The following TUB variants were observed in gnomAD, a reference collection of about 807,000 sequenced individuals.
TUB encodes TUB bipartite transcription factor.
A neutral mutation model predicts 59.7 loss-of-function variants in TUB; 33 were observed. The ratio of observed to expected loss-of-function variants is 0.55; its 90% CI spans 0.42 to 0.74. TUB has a LOEUF of 0.74. Ranked by LOEUF, TUB falls within the 30% of genes least tolerant of loss-of-function variation. The pLI is 0.00. For synonymous variants in TUB, 293 were observed against 256.4 expected (o/e 1.14, Z -1.36); for missense variants, 659 against 672.0 (o/e 0.98, Z 0.21).
At chr11:8,098,920 A>G in intron 9 of TUB, 45 bp downstream of exon 9, 2 of 1,424,102 alleles carry the variant, frequency 1.4e-6, no homozygotes, top group African/African-American at 1.4e-5. Context: ...GGTAGATATG[A>G]AATCCAGGAC....
chr11:8,084,042 AG>A lies in TUB; in HGVS notation c.38+2495del, dbSNP rs1260104138. On this transcript the variant is annotated intron_variant, in intron 1 of 11. Transcript: ENST00000299506. ...ACAAAGCATTTTACTTGCAGATGGG[AG>A]TGGGGGCAGGGGGTGGCATGCACGT... Among the ~76,000 whole-genome samples the A allele has an allele frequency of 7.9e-5, 12 of 152,206 alleles. No homozygotes were observed. The South Asian group carries it at 8.3e-4, about 11-fold the overall frequency.
intron 1 of TUB, among the ~76,000 whole-genome samples, chr11:8,027,676 G>A (rs1344761121): frequency 6.6e-6 from 1 of 152,016 alleles, no homozygotes; most frequent in Non-Finnish European, 1.5e-5. Flanking sequence ...CACAACGCCT[G>A]GCTATTTTTT....
At chr11:8,088,371 G>A (rs1040993828) in intron 1 of TUB, among the ~76,000 whole-genome samples, 1 of 152,206 alleles carries the variant, frequency 6.6e-6, no homozygotes, top group African/African-American at 2.4e-5. Flanking sequence ...TAGCCATCAG[G>A]AGGAGGTGAA....
upstream of TUB, among the ~76,000 whole-genome samples, chr11:8,080,826 G>A (rs1446763768): frequency 6.6e-6 from 1 of 152,192 alleles, no homozygotes; most frequent in African/African-American, 2.4e-5. Context: ...TCGGCCCGGA[G>A]GTTCCCCCGC....
intron 4 of TUB, among the ~76,000 whole-genome samples, chr11:8,095,003 G>A (rs1943922377): frequency 6.6e-6 from 1 of 152,256 alleles, no homozygotes; most frequent in Admixed American, 6.5e-5. Context: ...CATTTGGGAA[G>A]GCGAGTGTAT....
rs752692239 is a variant in TUB, at chr11:8,098,845, C to G, written c.1086C>G (p.Thr362=). 3.1e-6 allele frequency: 5 copies of G among 1,613,970 alleles called. No homozygotes were observed. In the African/African-American group the frequency reaches 6.7e-5, roughly 22 times the overall value. ...KASSSTLESG[T]LRQELAAVCY... Reference sequence around the variant, plus strand: ...CATCCTCCACTTTGGAAAGTGGAACCTTACGTCAGGAGCTGGCAGCTGTGT... The same window carrying G: ...CATCCTCCACTTTGGAAAGTGGAACGTTACGTCAGGAGCTGGCAGCTGTGT... Residue 362 remains threonine (T), a synonymous_variant, in exon 9 of 12, where the codon ACC becomes ACG. Transcript: ENST00000299506.
intron 1 of TUB, among the ~76,000 whole-genome samples, chr11:8,024,839 A>T (rs953634614): frequency 1.3e-5 from 2 of 152,184 alleles, no homozygotes; most frequent in Non-Finnish European, 2.9e-5. Context: ...TGTGTGTGTG[A>T]GTGTGACCTC....
At chr11:8,019,624 C>G (rs968478936) in intron 1 of TUB, among the ~76,000 whole-genome samples, 11 of 152,106 alleles carry the variant, frequency 7.2e-5, no homozygotes, top group African/African-American at 2.7e-4. Flanking sequence ...CACCTCTGCC[C>G]CCACCCCAGC....
intron 11 of TUB, 46 bp downstream of exon 11, chr11:8,101,043 G>A (rs374748783): frequency 7.1e-5 from 114 of 1,607,750 alleles, no homozygotes; most frequent in Non-Finnish European, 5.7e-5. Flanking sequence ...GGATACCCAA[G>A]GCCCTTAGCG....
chr11:8,025,586 T>A (rs1468810759), intron 1 of TUB, among the ~76,000 whole-genome samples: 1 of 152,262 alleles, frequency 6.6e-6, no homozygotes, highest in East Asian at 1.9e-4. Context: ...AGTATGAACC[T>A]TTTATTGTTT....
chr11:8,093,966 G>A (rs750387130), intron 3 of TUB, 80 bp from the exon 4 acceptor site: 1 of 1,566,952 alleles, frequency 6.4e-7, no homozygotes, highest in East Asian at 2.2e-5. Context: ...ATGCTGTGCT[G>A]GGGACTGTGT....
chr11:8,032,161 A>AAAGGCCTGGGGAAAGGCCG (rs1942583511), intron 1 of TUB, among the ~76,000 whole-genome samples: 1 of 151,806 alleles, frequency 6.6e-6, no homozygotes, highest in Admixed American at 6.6e-5. Context: ...CCGGGAGCGC[A>AAAGGCCTGGGGAAAGGCCG]GGAGTGAGAT....
chr11:8,103,038 G>C lies in TUB; in HGVS notation c.*1419G>C, dbSNP rs1436871889. 6.6e-6 allele frequency: 1 copy of C among 152,270 alleles called. No individual in the cohort carries two copies. The highest frequency in any genetic ancestry group is 1.5e-5 in the Non-Finnish European group (1 of 68,092). The allele number at this position is 152,270 out of a possible 1,614,324, so 9.4% of individuals were successfully genotyped here. A position where few individuals can be genotyped will look rare whatever the true frequency, so the allele number is the denominator to read the frequency against. ...GGCAGTTCCCTGTTGAAAGTTGTCT[G>C]GCTTTTTGCACGTGAGTATGATCCA... On this transcript the variant is annotated 3_prime_UTR_variant, in exon 12 of 12. Coordinates refer to ENST00000299506, the MANE Select transcript of TUB (RefSeq NM_177972.3).
chr11:8,035,005 A>T (rs1009759183), upstream of TUB, among the ~76,000 whole-genome samples: 1 of 152,206 alleles, frequency 6.6e-6, no homozygotes, highest in African/African-American at 2.4e-5. Context: ...TTGTCGCATG[A>T]TGCGTTTTCA....
upstream of TUB, among the ~76,000 whole-genome samples, chr11:8,034,986 C>T (rs967685138): frequency 1.3e-5 from 2 of 152,094 alleles, no homozygotes; most frequent in Non-Finnish European, 2.9e-5. Flanking sequence ...ACCCATGTCT[C>T]CCGGCTCCTT....
intron 2 of TUB, among the ~76,000 whole-genome samples, chr11:8,063,150 C>T (rs1019963214): frequency 7.2e-5 from 11 of 152,238 alleles, no homozygotes; most frequent in African/African-American, 2.2e-4. Context: ...TGTCCAGCCA[C>T]GTGTGTGAGC....
At chr11:8,093,060 C>T (rs935919856) in intron 3 of TUB, among the ~76,000 whole-genome samples, 4 of 152,154 alleles carry the variant, frequency 2.6e-5, no homozygotes, top group Admixed American at 6.6e-5. Flanking sequence ...CCTGCTTTCA[C>T]GGACCTTACA....
chr11:8,049,268 G>C (rs1472567364), intron 2 of TUB, among the ~76,000 whole-genome samples: 1 of 152,180 alleles, frequency 6.6e-6, no homozygotes, highest in Non-Finnish European at 1.5e-5. Context: ...CCAGTAGGAA[G>C]AGCTGAGGCT....
At position 8,038,982 on chromosome 11, in the gene TUB, C is replaced by T. The variant is rs1423672795; in HGVS notation, c.109C>T (p.Gln37Ter). Residue 37 changes from glutamine to a stop codon, truncating the protein, a stop_gained, in exon 1 of 13, where the codon CAG (glutamine) becomes TAG (stop). Transcript: ENST00000305253. LOFTEE classifies it high-confidence loss of function. ...GCCCATGGGATCTCAGCATTCAAAG[C>T]AGCACAGGAAACCTGGGCCCCTGAA... 2 of 1,613,918 alleles carry T rather than the reference C, an allele frequency of 1.2e-6. No homozygotes were observed. The highest frequency in any genetic ancestry group is 2.7e-5 in the African/African-American group (2 of 74,920).
Sources: allele counts gnomAD v4.1 joint callset (sites outside exome capture counted in the v4.1 genomes callset), GRCh38; gene constraint gnomAD v4.1.1; transcripts MANE v1.5; gene names NCBI Gene and HGNC (gene_info 2026-07-23, HGNC 2026-07-21).